Variants in GNPDA2 observed in about 807,000 individuals in gnomAD.
GNPDA2 encodes the protein glcN6P deaminase 2.
GNPDA2 carries 24 observed loss-of-function variants against 27.0 expected under a neutral mutation model. The observed-to-expected ratio is 0.89, with a 90% CI of 0.64 to 1.25. GNPDA2 has a LOEUF of 1.25. GNPDA2 is among the 50% of genes most tolerant of loss of function. The probability of loss-of-function intolerance (pLI) is 0.00; values close to 1 mark genes in which losing one functional copy is unlikely to be tolerated. For synonymous variants in GNPDA2, 94 were observed against 108.4 expected (o/e 0.87, Z 0.83); for missense variants, 286 against 335.1 (o/e 0.85, Z 1.14).
intron 4 of GNPDA2, among the ~76,000 whole-genome samples, chr4:44,713,311 G>A (rs188981621): frequency 6.6e-5 from 10 of 152,242 alleles, no homozygotes; most frequent in East Asian, 1.9e-4. Flanking sequence ...TACAGTTAAC[G>A]AAGACAGCAT....
intron 1 of GNPDA2, 23 bp from the exon 2 acceptor site, chr4:44,722,265 C>G: frequency 6.4e-7 from 1 of 1,557,922 alleles, no homozygotes; most frequent in South Asian, 1.2e-5. Flanking sequence ...CATTGTAGAA[C>G]ACTTTACATA....
At chr4:44,723,153 C>T (rs571976244) in intron 1 of GNPDA2, among the ~76,000 whole-genome samples, 2 of 152,134 alleles carry the variant, frequency 1.3e-5, no homozygotes, top group East Asian at 3.9e-4. Context: ...TTCCATTTTA[C>T]ACAATGTAGG....
chr4:44,703,904 G>T (rs1577578499), intron 6 of GNPDA2: 13 of 985,066 alleles, frequency 1.3e-5, no homozygotes, highest in African/African-American at 7.0e-5. Context: ...ATGAACCAGA[G>T]ATTTTATATT....
At chr4:44,722,970 A>G (rs1459612996) in intron 1 of GNPDA2, among the ~76,000 whole-genome samples, 2 of 152,232 alleles carry the variant, frequency 1.3e-5, no homozygotes, top group African/African-American at 4.8e-5. Context: ...GTTATTTTTA[A>G]TAAGAGAATT....
chr4:44,712,775 G>T (rs1421913514), intron 4 of GNPDA2, among the ~76,000 whole-genome samples: 1 of 152,160 alleles, frequency 6.6e-6, no homozygotes, highest in Non-Finnish European at 1.5e-5. Context: ...ATGAGCAAAG[G>T]TTAATAACAG....
intron 2 of GNPDA2, among the ~76,000 whole-genome samples, chr4:44,719,907 TTTC>T (rs1434730032): frequency 6.6e-6 from 1 of 152,142 alleles, no homozygotes; most frequent in Non-Finnish European, 1.5e-5. Flanking sequence ...ATTAAGACAT[TTTC>T]TTTAAGAACT....
intron 2 of GNPDA2, 68 bp downstream of exon 2, chr4:44,722,016 C>T: frequency 8.4e-7 from 1 of 1,189,322 alleles, no homozygotes; most frequent in Non-Finnish European, 1.2e-6. Flanking sequence ...TTAAAAGAAA[C>T]CCTTCAATTC....
intron 6 of GNPDA2, chr4:44,703,622 CA>C: frequency 1.0e-6 from 1 of 983,720 alleles, no homozygotes; most frequent in Non-Finnish European, 1.2e-6. Flanking sequence ...GTATTTATGA[CA>C]AAGGTTGATT....
Position 44,702,806 on chromosome 4 carries a change from ACAGG to A in GNPDA2, c.*271_*274del. On this transcript the variant is annotated 3_prime_UTR_variant, in exon 7 of 7. Transcript: ENST00000295448. Reference sequence around the variant, plus strand: ...CTCTACCTTTAAAATGACTTTTTAAACAGGCAGACATTTCTATGCTGTTTTATAG... The same window carrying A: ...CTCTACCTTTAAAATGACTTTTTAAACAGACATTTCTATGCTGTTTTATAG... The A allele has an allele frequency of 1.6e-6, 2 of 1,251,522 alleles. No homozygotes were observed. Among genetic ancestry groups the A allele is most frequent in the Non-Finnish European group, 2.0e-6 (2 of 998,866 alleles). 77.5% of individuals were successfully genotyped at this position (1,251,522 alleles called of 1,614,324 possible). A position where few individuals can be genotyped will look rare whatever the true frequency, so the allele number is the denominator to read the frequency against.
At position 44,711,063 on chromosome 4, in the gene GNPDA2, G is replaced by C; in HGVS notation, c.484C>G (p.Leu162Val). ...TTTGCCAAGATGGTATCCATTGCTA[G>C]AGTCTTTAATCTTGTCCTTGACACT... ...SLVSRTRLKT[L>V]AMDTILANAK... is the part of the protein sequence containing the mutation. The change falls in exon 5 of 7, where the codon CTA becomes GTA. Residue 162 changes from leucine (L) to valine (V), a missense_variant. Coordinates refer to ENST00000295448, the MANE Select transcript of GNPDA2 (RefSeq NM_138335.3). 1 of 1,613,088 alleles carries C rather than the reference G, an allele frequency of 6.2e-7. No homozygotes were observed. Among genetic ancestry groups the C allele is most frequent in the Non-Finnish European group, 8.5e-7 (1 of 1,179,436 alleles).
chr4:44,704,240 C>T, intron 6 of GNPDA2: 1 of 984,694 alleles, frequency 1.0e-6, no homozygotes, highest in Non-Finnish European at 1.2e-6. Flanking sequence ...CAACAGCCTA[C>T]TTGAAGGTCA....
At chr4:44,711,717 A>G (rs1716991013) in intron 4 of GNPDA2, among the ~76,000 whole-genome samples, 1 of 151,192 alleles carries the variant, frequency 6.6e-6, no homozygotes, top group Non-Finnish European at 1.5e-5. Context: ...AAATGTGTGG[A>G]TTGGATAAGA....
Position 44,719,161 on chromosome 4 carries a change from T to C in GNPDA2, c.125-751A>G, listed in dbSNP as rs573607047. Among the ~76,000 whole-genome samples the C allele has an allele frequency of 6.4e-4, 97 of 152,146 alleles. No homozygotes were observed. In the Middle Eastern group the frequency reaches 0.01, roughly 16 times the overall value. ...TGGCCTTCATCTTTGTTTTCTAAAT[T>C]TGTTACTTTTTTTTTCATTTTAACT... is the stretch of plus-strand genomic sequence containing the variant. On this transcript the variant is annotated intron_variant, in intron 2 of 6. Transcript: ENST00000295448.
Position 44,713,348 on chromosome 4 carries a change from A to G in GNPDA2, c.410-2211T>C, listed in dbSNP as rs543883624. 3.3e-5 allele frequency among the ~76,000 whole-genome samples: 5 copies of G among 152,320 alleles called. No individual in the cohort carries two copies. The South Asian group carries it at 1.0e-3, about 32-fold the overall frequency. ...GTGAACTGAAGCACTGGATGACAGC[A>G]CTGCAGGGAGAAGATTGATGAGTTT... On this transcript the variant is annotated intron_variant, in intron 4 of 6. Transcript: ENST00000295448.
rs988392030 is a variant in GNPDA2 at position 44,702,911 on chromosome 4, G to C, written c.*170C>G. On this transcript the variant is annotated 3_prime_UTR_variant, in exon 7 of 7. Transcript: ENST00000295448. The stretch of plus-strand genomic sequence containing the variant: ...AGCCAGCTACTTCTCTTAAACCCAA[G>C]TACAAGATATAAATATTCAAAATAT... 20 of 1,439,752 alleles carry C rather than the reference G, an allele frequency of 1.4e-5. No homozygotes were observed. The African/African-American group carries it at 2.6e-4, about 19-fold the overall frequency. The allele number at this position is 1,439,752 out of a possible 1,614,324, so 89.2% of individuals were successfully genotyped here.
chr4:44,722,799 G>C (rs1436780057), intron 1 of GNPDA2, among the ~76,000 whole-genome samples: 2 of 152,086 alleles, frequency 1.3e-5, no homozygotes, highest in African/African-American at 4.8e-5. Context: ...CAGATACTAG[G>C]GACAAGTGTA....
At chr4:44,721,226 C>G (rs960352791) in intron 2 of GNPDA2, among the ~76,000 whole-genome samples, 1 of 152,078 alleles carries the variant, frequency 6.6e-6, no homozygotes, top group Non-Finnish European at 1.5e-5. Context: ...AGGGGAGGAG[C>G]TGGAGAAAAC....
chr4:44,722,348 A>G, intron 1 of GNPDA2, 106 bp from the exon 2 acceptor site: 1 of 782,192 alleles, frequency 1.3e-6, no homozygotes, highest in Non-Finnish European at 2.0e-6. Context: ...AACAGAATAT[A>G]CTGATGATTT....
intron 1 of GNPDA2, among the ~76,000 whole-genome samples, chr4:44,725,439 A>G (rs934235136): frequency 2.0e-5 from 3 of 152,230 alleles, no homozygotes; most frequent in African/African-American, 7.2e-5. Context: ...CAGTGTTTCA[A>G]AAGATCTGAA....
Sources: gnomAD v4.1 joint callset for allele counts (sites outside exome capture counted in the v4.1 genomes callset) on GRCh38, gnomAD v4.1.1 for gene constraint, MANE v1.5 for transcripts, NCBI Gene and HGNC (gene_info 2026-07-23, HGNC 2026-07-21) for gene names.